CTNND2: variants seen among roughly 807,000 people sequenced by gnomAD.
The protein encoded by CTNND2 is catenin delta-2.
A neutral mutation model predicts 144.4 loss-of-function variants in CTNND2; 22 were observed. The ratio of observed to expected loss-of-function variants is 0.15; its 90% confidence interval spans 0.11 to 0.22. CTNND2 has a LOEUF of 0.22. CTNND2 is among the 10% of genes least tolerant of loss of function. The probability of loss-of-function intolerance (pLI) is 1.00; values close to 1 mark genes in which losing one functional copy is unlikely to be tolerated. For missense variants in CTNND2, 1,353 were observed against 1,618.8 expected, an observed-to-expected ratio of 0.84 and a Z score of 2.82; for synonymous variants, 751 against 695.6, an observed-to-expected ratio of 1.08 and a Z score of -1.25.
Position 11,346,431 on chromosome 5 carries a change from G to C in CTNND2, c.1569C>G (p.Leu523=), listed in dbSNP as rs1178953293. The change falls in exon 9 of 22, where the codon CTC becomes CTG. Residue 523 remains leucine (L), a synonymous_variant. Coordinates refer to ENST00000304623, the MANE Select transcript of CTNND2 (RefSeq NM_001332.4). ...ESPYSKSGPA[L]PPEGTLARSP... ...ACCTGGCCAAGGTGCCTTCAGGCGG[G>C]AGAGCAGGGCCGGATTTGCTGTATG... The C allele has an allele frequency of 1.3e-6, 2 of 1,551,934 alleles. No individual in the cohort carries two copies. The highest frequency in any genetic ancestry group is 1.7e-6 in the Non-Finnish European group (2 of 1,145,120).
chr5:11,851,783 G>A (rs1795024948), intron 1 of CTNND2, among the ~76,000 whole-genome samples: 1 of 152,274 alleles, frequency 6.6e-6, no homozygotes, highest in South Asian at 2.1e-4. Context: ...AGGTACTGAT[G>A]GTAAAAGTAA....
rs1046509808 is a variant in CTNND2 at position 10,988,180 on chromosome 5, A to T, written c.3274T>A (p.Cys1092Ser). The T allele has an allele frequency of 1.2e-6, 2 of 1,613,946 alleles. No homozygotes were observed. Among genetic ancestry groups the T allele is most frequent in the Admixed American group, 1.7e-5 (1 of 59,990 alleles). ...TGGTAGGTGGCGTTGCTGCCGGTGC[A>T]CTCGTAGTCTGTTTTCCTTTCTTTG... The part of the protein sequence containing the change: ...SLKERKTDYE[C>S]TGSNATYHGA... Residue 1092 changes from cysteine to serine, a missense_variant, in exon 20 of 22, where the codon TGC becomes AGC. Transcript: ENST00000304623. This position sits in a 1 kb window ranked among gnomAD's most constrained non-coding sequence, Gnocchi z 5.9.
chr5:11,713,399 T>C (rs1391543112), intron 2 of CTNND2, among the ~76,000 whole-genome samples: 1 of 151,782 alleles, frequency 6.6e-6, no homozygotes, highest in Non-Finnish European at 1.5e-5. Context: ...ATCAACATGG[T>C]GAAACCCCAT....
At chr5:11,618,531 A>G (rs774925097) in intron 2 of CTNND2, among the ~76,000 whole-genome samples, 24 of 152,210 alleles carry the variant, frequency 1.6e-4, no homozygotes, top group Non-Finnish European at 3.4e-4. Context: ...AAACCCACAT[A>G]CATGTCCACA....
intron 11 of CTNND2, among the ~76,000 whole-genome samples, chr5:11,190,348 G>T (rs527414648): frequency 1.3e-5 from 2 of 152,372 alleles, no homozygotes; most frequent in South Asian, 4.1e-4. Context: ...ACTTTGGGAT[G>T]AAAGGCCATG....
chr5:11,774,030 C>T (rs868089574), intron 1 of CTNND2, among the ~76,000 whole-genome samples: 1 of 152,028 alleles, frequency 6.6e-6, no homozygotes, highest in African/African-American at 2.4e-5. Flanking sequence ...AGAGATCATA[C>T]ATTAATCTGT....
In CTNND2 at chr5:11,250,491, C is replaced by CTCTCTCTCTATATATATA. The variant is rs869141186; in HGVS notation, c.1629-13669_1629-13668insTATATATATAGAGAGAGA. ...TCTCTCTCTCTCTCTCTCTCTCTCT[C>CTCTCTCTCTATATATATA]TATATATATATATATATATATACAT... On this transcript the variant is annotated intron_variant, in intron 9 of 21. Transcript: ENST00000304623. Among the ~76,000 whole-genome samples the CTCTCTCTCTATATATATA allele has an allele frequency of 3.0e-3, 192 of 64,058 alleles. 1 individual carries two copies. The highest frequency in any genetic ancestry group is 0.012 in the Middle Eastern group (1 of 86). The allele number at this position is 64,058 out of a possible 152,430, so 42.0% of individuals were successfully genotyped here.
intron 9 of CTNND2, among the ~76,000 whole-genome samples, chr5:11,318,137 C>A (rs973804260): frequency 6.6e-6 from 1 of 152,130 alleles, no homozygotes; most frequent in Non-Finnish European, 1.5e-5. Context: ...AATCTGAATT[C>A]TTTCTTTATG....
chr5:11,337,470 A>G (rs1295513756), intron 9 of CTNND2, among the ~76,000 whole-genome samples: 3 of 152,178 alleles, frequency 2.0e-5, no homozygotes, highest in African/African-American at 7.2e-5. Context: ...TATCTGTTTC[A>G]TCACAAAATG....
intron 2 of CTNND2, among the ~76,000 whole-genome samples, chr5:11,628,119 G>T (rs902229997): frequency 1.4e-4 from 21 of 152,006 alleles, no homozygotes; most frequent in Non-Finnish European, 1.5e-5. Flanking sequence ...AATCAAATTT[G>T]TGATTTGGAT....
At chr5:11,063,584 A>C (rs1304666806) in intron 16 of CTNND2, among the ~76,000 whole-genome samples, 1 of 152,140 alleles carries the variant, frequency 6.6e-6, no homozygotes, top group Non-Finnish European at 1.5e-5. Context: ...TAGAAAGCTT[A>C]TATGTTTGAG....
At chr5:11,506,653 T>C (rs1356810953) in intron 3 of CTNND2, among the ~76,000 whole-genome samples, 1 of 152,234 alleles carries the variant, frequency 6.6e-6, no homozygotes, top group Non-Finnish European at 1.5e-5. Context: ...CATAACACCA[T>C]GCTGTTTACC....
intron 3 of CTNND2, among the ~76,000 whole-genome samples, chr5:11,424,094 A>T (rs1236821672): frequency 1.3e-5 from 2 of 152,200 alleles, no homozygotes; most frequent in Admixed American, 6.5e-5. Flanking sequence ...AAAAAGTTTA[A>T]TGGGTGCACA....
rs369877098 is a variant in CTNND2 at position 11,395,678 on chromosome 5, T to C, written c.612+1353A>G. Among the ~76,000 whole-genome samples, 79 of 152,370 alleles carry C rather than the reference T, an allele frequency of 5.2e-4. No homozygotes were observed. In the South Asian group the frequency reaches 5.4e-3, roughly 10 times the overall value. ...GTTCCTCTTACCCATATTCCTATCATTCAGCATTGTGAGAAGGTAAGACTT... is the reference window on the plus strand; with the variant it reads ...GTTCCTCTTACCCATATTCCTATCACTCAGCATTGTGAGAAGGTAAGACTT... On this transcript the variant is annotated intron_variant, in intron 6 of 21. Coordinates refer to ENST00000304623, the MANE Select transcript of CTNND2 (RefSeq NM_001332.4).
chr5:11,461,271 C>T (rs1007650734), intron 3 of CTNND2, among the ~76,000 whole-genome samples: 1 of 151,966 alleles, frequency 6.6e-6, no homozygotes, highest in Non-Finnish European at 1.5e-5. Flanking sequence ...AGGCACTGTC[C>T]CATCTCATGT....
At chr5:11,865,574 C>G (rs146676432) in intron 1 of CTNND2, among the ~76,000 whole-genome samples, 53 of 152,172 alleles carry the variant, frequency 3.5e-4, no homozygotes, top group African/African-American at 1.2e-3. Flanking sequence ...TAAGTTGGAT[C>G]AGTGTGGGAA....
At chr5:11,752,592 C>T (rs1176181695) in intron 1 of CTNND2, among the ~76,000 whole-genome samples, 2 of 149,460 alleles carry the variant, frequency 1.3e-5, no homozygotes, top group African/African-American at 4.9e-5. Flanking sequence ...TTAGTGTAGG[C>T]TTATAGTATA....
chr5:11,634,780 G>A (rs1050298033), intron 2 of CTNND2, among the ~76,000 whole-genome samples: 2 of 152,164 alleles, frequency 1.3e-5, no homozygotes, highest in Non-Finnish European at 2.9e-5. Flanking sequence ...TTAGAAAAGA[G>A]GGAGCACAGA....
rs1354255871 is a variant in CTNND2 at position 11,795,994 on chromosome 5, C to G, written c.38-63722G>C. Among the ~76,000 whole-genome samples the G allele has an allele frequency of 2.0e-5, 3 of 152,170 alleles. No homozygotes were observed. In the East Asian group the frequency reaches 5.8e-4, roughly 29 times the overall value. ...TGTCTTTTCCAGCTTCTAGAGGCCACCTGTATTCCTTGGCTCCTGGCCTCC... is the reference window on the plus strand; with the variant it reads ...TGTCTTTTCCAGCTTCTAGAGGCCAGCTGTATTCCTTGGCTCCTGGCCTCC... On this transcript the variant is annotated intron_variant, in intron 1 of 21. Transcript: ENST00000304623.
Sources: allele counts gnomAD v4.1 joint callset (sites outside exome capture counted in the v4.1 genomes callset), GRCh38; gene constraint gnomAD v4.1.1; non-coding constraint Gnocchi (gnomAD v3.1); transcripts MANE v1.5; gene names NCBI Gene and HGNC (gene_info 2026-07-23, HGNC 2026-07-21).